AGAP1: variants seen among roughly 807,000 people sequenced by gnomAD.
AGAP1 encodes the protein arf-GAP with GTPase, ANK repeat and PH domain-containing protein 1.
In AGAP1, 29 loss-of-function variants were observed where a neutral mutation model predicts 105.3. The ratio of observed to expected loss-of-function variants is 0.28; its 90% CI spans 0.21 to 0.38. The LOEUF is 0.38. AGAP1 is among the 10% of genes least tolerant of loss of function. AGAP1 has a pLI of 1.00. For missense variants in AGAP1, 998 were observed against 1,165.1 expected (o/e 0.86, Z 2.09); for synonymous variants, 509 against 485.9 (o/e 1.05, Z -0.63).
At chr2:235,871,597 T>G (rs2049442998) in intron 9 of AGAP1, among the ~76,000 whole-genome samples, 2 of 152,214 alleles carry the variant, frequency 1.3e-5, no homozygotes, top group South Asian at 4.1e-4. Context: ...TGTTTTTGAT[T>G]TTTGTTACAG....
chr2:235,750,587 A>C lies in AGAP1; in HGVS notation c.673+99A>C. On this transcript the variant is annotated intron_variant, in intron 6 of 17. Transcript: ENST00000304032. This position sits in a 1 kb window ranked among gnomAD's most constrained non-coding sequence, Gnocchi z 5.3. Reference sequence around the variant, plus strand: ...TGCACTTGTGCATGTGGGTGGTGGAAATATGTCGTTGATGGGTGGGCATTA... The same window carrying C: ...TGCACTTGTGCATGTGGGTGGTGGACATATGTCGTTGATGGGTGGGCATTA... The C allele has an allele frequency of 6.4e-7, 1 of 1,560,940 alleles. No individual in the cohort carries two copies. The highest frequency in any genetic ancestry group is 8.8e-7 in the Non-Finnish European group (1 of 1,138,212).
chr2:235,972,276 T>C (rs983042907), intron 13 of AGAP1, among the ~76,000 whole-genome samples: 3 of 152,192 alleles, frequency 2.0e-5, no homozygotes, highest in South Asian at 2.1e-4. Flanking sequence ...ATATACCCTA[T>C]TGGAACAAAT....
rs57939334 is a variant in AGAP1, at chr2:235,904,667, G to T, written c.1156-4071G>T. Reference sequence around the variant, plus strand: ...TTACCGAGGTCCCTAACTCAGACCCGTGAAGGGTCTGCACAGCCCCTTGAC... The same window carrying T: ...TTACCGAGGTCCCTAACTCAGACCCTTGAAGGGTCTGCACAGCCCCTTGAC... On this transcript the variant is annotated intron_variant, in intron 10 of 17. Coordinates refer to ENST00000304032, the MANE Select transcript of AGAP1 (RefSeq NM_001037131.3). This position sits in a 1 kb window ranked among gnomAD's most constrained non-coding sequence, Gnocchi z 4.2. Among the ~76,000 whole-genome samples the T allele has an allele frequency of 6.6e-6, 1 of 152,138 alleles. No homozygotes were observed. Among genetic ancestry groups the T allele is most frequent in the African/African-American group, 2.4e-5 (1 of 41,394 alleles).
intron 6 of AGAP1, among the ~76,000 whole-genome samples, chr2:235,765,531 G>T (rs904921086): frequency 6.6e-6 from 1 of 152,142 alleles, no homozygotes; most frequent in African/African-American, 2.4e-5. Flanking sequence ...TCACTGCCGC[G>T]TGGTCAGTCC....
At position 236,042,666 on chromosome 2, in the gene AGAP1, G is replaced by A. The variant is rs2057586579; in HGVS notation, c.1891+1825G>A. ...GACCATGATACCTGGCAAATCGGAGGTCGCAGGTCCTGTCTGAGATGAGCT... is the reference window on the plus strand; with the variant it reads ...GACCATGATACCTGGCAAATCGGAGATCGCAGGTCCTGTCTGAGATGAGCT... On this transcript the variant is annotated intron_variant, in intron 15 of 17. Coordinates refer to ENST00000304032, the MANE Select transcript of AGAP1 (RefSeq NM_001037131.3). This position sits in a 1 kb window ranked among gnomAD's most constrained non-coding sequence, Gnocchi z 5.6. 6.6e-6 allele frequency among the ~76,000 whole-genome samples: 1 copy of A among 152,136 alleles called. No homozygotes were observed. Among genetic ancestry groups the A allele is most frequent in the South Asian group, 2.1e-4 (1 of 4,816 alleles).
chr2:235,687,327 C>T (rs1377394991), intron 1 of AGAP1, among the ~76,000 whole-genome samples: 1 of 152,158 alleles, frequency 6.6e-6, no homozygotes, highest in Admixed American at 6.5e-5. Context: ...ATTAAGTTCT[C>T]CGGTTCCATC....
rs1453431473 is a variant in AGAP1, at chr2:235,893,814, T to A, written c.1155+10365T>A. 6.6e-6 allele frequency among the ~76,000 whole-genome samples: 1 copy of A among 152,156 alleles called. No homozygotes were observed. The highest frequency in any genetic ancestry group is 1.5e-5 in the Non-Finnish European group (1 of 68,020). On this transcript the variant is annotated intron_variant, in intron 10 of 17. Transcript: ENST00000304032. The surrounding 1 kb of genome is among the most constrained non-coding windows in gnomAD (Gnocchi z 4.7). ...GCCACCACAATGAAGTTTCCAATCG[T>A]GTGACTCCTTCAGCATCTTTGCTCC...
Position 236,102,200 on chromosome 2 carries a change from A to G in AGAP1, c.2115-17992A>G, listed in dbSNP as rs377613433. 1.6e-3 allele frequency among the ~76,000 whole-genome samples: 246 copies of G among 151,964 alleles called. 1 individual carries two copies. Among genetic ancestry groups the G allele is most frequent in the East Asian group, 4.3e-3 (22 of 5,146 alleles). ...TGGGAGGCCAAGGCGGGCGGATCAC[A>G]AGGTCAGGAGATCGAGACCATCCTG... On this transcript the variant is annotated intron_variant, in intron 16 of 17. Transcript: ENST00000304032.
chr2:235,549,703 C>T lies in AGAP1; in HGVS notation c.163+54854C>T, dbSNP rs556624918. On this transcript the variant is annotated intron_variant, in intron 1 of 17. Transcript: ENST00000304032. The surrounding 1 kb of genome is among the most constrained non-coding windows in gnomAD (Gnocchi z 4.2). ...ACCTGGCAAATGTATTGATACTTTACGAGCATTCACATGCATTTAAGAGTG... is the reference window on the plus strand; with the variant it reads ...ACCTGGCAAATGTATTGATACTTTATGAGCATTCACATGCATTTAAGAGTG... 1.3e-5 allele frequency among the ~76,000 whole-genome samples: 2 copies of T among 152,318 alleles called. No individual in the cohort carries two copies. The highest frequency in any genetic ancestry group is 4.8e-5 in the African/African-American group (2 of 41,572).
Position 235,882,467 on chromosome 2 carries a change from T to TC in AGAP1, c.1051-872dup, listed in dbSNP as rs1199470271. On this transcript the variant is annotated intron_variant, in intron 9 of 17. Transcript: ENST00000304032. The surrounding 1 kb of genome is among the most constrained non-coding windows in gnomAD (Gnocchi z 4.6). ...GCTTGGCCCTATTGAAGCTGGCGAT[T>TC]CCCCCCACGTCTGGTTTGTCTGCCA... 32 of 1,572,554 alleles carry TC rather than the reference T, an allele frequency of 2.0e-5. No homozygotes were observed. The highest frequency in any genetic ancestry group is 2.5e-5 in the Non-Finnish European group (29 of 1,147,026).
Position 235,866,521 on chromosome 2 carries a change from AC to A in AGAP1, c.1051-16822del, listed in dbSNP as rs984549726. Among the ~76,000 whole-genome samples, 9 of 152,032 alleles carry A rather than the reference AC, an allele frequency of 5.9e-5. No individual in the cohort carries two copies. Among genetic ancestry groups the A allele is most frequent in the African/African-American group, 1.9e-4 (8 of 41,360 alleles). ...GTGAGACTGGTGAGGTCAGCATTGG[AC>A]CACCTCCCATGCTGGGTGCCATCAG... On this transcript the variant is annotated intron_variant, in intron 9 of 17. Transcript: ENST00000304032. The surrounding 1 kb of genome is among the most constrained non-coding windows in gnomAD (Gnocchi z 6.1).
At position 235,866,682 on chromosome 2, in the gene AGAP1, A is replaced by G. The variant is rs2049185324; in HGVS notation, c.1051-16663A>G. The stretch of plus-strand genomic sequence containing the variant: ...ACAGACTTTGTCTTAAACAGCAAAC[A>G]TTTATTGTCTCCCAATTCTGGAGGC... On this transcript the variant is annotated intron_variant, in intron 9 of 17. Transcript: ENST00000304032. The surrounding 1 kb of genome is among the most constrained non-coding windows in gnomAD (Gnocchi z 6.1). Among the ~76,000 whole-genome samples the G allele has an allele frequency of 1.3e-5, 2 of 152,178 alleles. No individual in the cohort carries two copies.
At chr2:235,942,764 C>G (rs932377535) in intron 12 of AGAP1, among the ~76,000 whole-genome samples, 1 of 151,544 alleles carries the variant, frequency 6.6e-6, no homozygotes, top group Non-Finnish European at 1.5e-5. Flanking sequence ...TTTTTTAGTC[C>G]CCATGTTTGC....
At chr2:235,687,962 C>T (rs560569546) in intron 1 of AGAP1, among the ~76,000 whole-genome samples, 5 of 122,924 alleles carry the variant, frequency 4.1e-5, no homozygotes, top group East Asian at 5.4e-4. Context: ...AGTGCAGTGG[C>T]GCCATCTTGG....
rs912934975 is a variant in AGAP1 at position 236,056,919 on chromosome 2, C to T, written c.2114+7638C>T. ...ACGTCAGTAGCGGCATTGGGAGAAC[C>T]GCCATGTTTAGCAGCACCACTCCCA... On this transcript the variant is annotated intron_variant, in intron 16 of 17. Transcript: ENST00000304032. This position sits in a 1 kb window ranked among gnomAD's most constrained non-coding sequence, Gnocchi z 4.6. 6.6e-6 allele frequency among the ~76,000 whole-genome samples: 1 copy of T among 152,154 alleles called. No individual in the cohort carries two copies. Among genetic ancestry groups the T allele is most frequent in the African/African-American group, 2.4e-5 (1 of 41,426 alleles).
intron 1 of AGAP1, among the ~76,000 whole-genome samples, chr2:235,570,845 C>T (rs1944489804): frequency 6.6e-6 from 1 of 152,200 alleles, no homozygotes; most frequent in South Asian, 2.1e-4. Flanking sequence ...CTGGCAAGTA[C>T]TGCTGCTCGA....
chr2:235,554,891 A>T (rs939933311), intron 1 of AGAP1, among the ~76,000 whole-genome samples: 16 of 152,148 alleles, frequency 1.1e-4, no homozygotes, highest in African/African-American at 3.6e-4. Flanking sequence ...GTTGGTCTCA[A>T]ACTCCTGACC....
At position 235,643,673 on chromosome 2, in the gene AGAP1, A is replaced by G. The variant is rs565646150; in HGVS notation, c.164-65506A>G. Among the ~76,000 whole-genome samples, 9 of 151,652 alleles carry G rather than the reference A, an allele frequency of 5.9e-5. No homozygotes were observed. The East Asian group carries it at 1.7e-3, about 29-fold the overall frequency. ...AAGTCATTAGGAATTTACCATCTCCATCTGCAGGGGCCAAGTGAGATAACC... is the reference window on the plus strand; with the variant it reads ...AAGTCATTAGGAATTTACCATCTCCGTCTGCAGGGGCCAAGTGAGATAACC... On this transcript the variant is annotated intron_variant, in intron 1 of 17. Coordinates refer to ENST00000304032, the MANE Select transcript of AGAP1 (RefSeq NM_001037131.3).
In AGAP1 at chr2:235,992,175, C is replaced by T. The variant is rs990105554; in HGVS notation, c.1645+23552C>T. Among the ~76,000 whole-genome samples, 7 of 151,374 alleles carry T rather than the reference C, an allele frequency of 4.6e-5. No individual in the cohort carries two copies. Among genetic ancestry groups the T allele is most frequent in the Admixed American group, 1.3e-4 (2 of 15,204 alleles). ...AGCCTGTCTTCCTGGGTCCGAGTTG[C>T]GTGGTTAGGAGCGCAGCGGAGGAGC... On this transcript the variant is annotated intron_variant, in intron 13 of 17. Transcript: ENST00000304032. This position sits in a 1 kb window ranked among gnomAD's most constrained non-coding sequence, Gnocchi z 4.8.
Sources: gnomAD v4.1 joint callset for allele counts (sites outside exome capture counted in the v4.1 genomes callset) on GRCh38, gnomAD v4.1.1 for gene constraint, Gnocchi (gnomAD v3.1) non-coding constraint, MANE v1.5 for transcripts, NCBI Gene and HGNC (gene_info 2026-07-23, HGNC 2026-07-21) for gene names.